RNLS: variants seen among roughly 807,000 people sequenced by gnomAD.
The protein encoded by RNLS is renalase.
A neutral mutation model predicts 39.8 loss-of-function variants in RNLS; 39 were observed. The observed-to-expected ratio is 0.98, with a 90% CI of 0.76 to 1.28. RNLS has a LOEUF of 1.28. RNLS is among the 50% of genes most tolerant of loss of function. RNLS has a pLI of 0.00. For missense variants in RNLS, 410 were observed against 413.3 expected (o/e 0.99, Z 0.07); for synonymous variants, 147 against 150.7 (o/e 0.98, Z 0.18).
chr10:88,404,094 A>G (rs1853118805), intron 4 of RNLS, among the ~76,000 whole-genome samples: 1 of 152,074 alleles, frequency 6.6e-6, no homozygotes, highest in Admixed American at 6.6e-5. Flanking sequence ...TATAATCCAT[A>G]CTATTTACTG....
intron 6 of RNLS, among the ~76,000 whole-genome samples, chr10:88,299,396 GC>G (rs1411637342): frequency 6.6e-6 from 1 of 152,172 alleles, no homozygotes; most frequent in Non-Finnish European, 1.5e-5. Context: ...GCTGAGACAG[GC>G]GGATCACTTG....
At chr10:88,308,449 A>C (rs77943038) in intron 6 of RNLS, among the ~76,000 whole-genome samples, 1 of 151,894 alleles carries the variant, frequency 6.6e-6, no homozygotes. Context: ...AATAAAAAAA[A>C]AACCCCATTA....
intron 6 of RNLS, among the ~76,000 whole-genome samples, chr10:88,291,599 C>G (rs74146697): frequency 0.054 from 8,185 of 152,224 alleles, 287 homozygotes; most frequent in African/African-American, 0.093. Flanking sequence ...CACCACCAGT[C>G]AATTGGAGTT....
chr10:88,230,996 C>A, the RNLS span, among the ~76,000 whole-genome samples: 1 of 152,186 alleles, frequency 6.6e-6, no homozygotes, highest in African/African-American at 2.4e-5. Context: ...TTCCTGAATC[C>A]TTTCCTGATT....
At chr10:88,305,806 A>G (rs1018728922) in intron 6 of RNLS, among the ~76,000 whole-genome samples, 1 of 152,226 alleles carries the variant, frequency 6.6e-6, no homozygotes, top group Non-Finnish European at 1.5e-5. Flanking sequence ...CAGAACTTAA[A>G]CTCAGCACTG....
chr10:88,208,764 A>G, the RNLS span, among the ~76,000 whole-genome samples: 2,216 of 152,236 alleles, frequency 0.015, 50 homozygotes, highest in Middle Eastern at 0.051. Flanking sequence ...CAAATCTTGG[A>G]GAGTGAAAGT....
the RNLS span, among the ~76,000 whole-genome samples, chr10:88,210,899 A>C: frequency 6.6e-6 from 1 of 152,140 alleles, no homozygotes; most frequent in Non-Finnish European, 1.5e-5. Context: ...CCCAGTGTAC[A>C]TTCCATGGCA....
intron 4 of RNLS, among the ~76,000 whole-genome samples, chr10:88,474,853 G>A (rs1042493829): frequency 1.4e-4 from 21 of 152,166 alleles, no homozygotes; most frequent in Non-Finnish European, 5.9e-5. Context: ...GTTGGCTATA[G>A]TTGCTGCCTC....
chr10:88,348,724 A>T (rs1848480306), intron 5 of RNLS, among the ~76,000 whole-genome samples: 1 of 152,188 alleles, frequency 6.6e-6, no homozygotes, highest in African/African-American at 2.4e-5. Context: ...TTTCTGATTT[A>T]TTCATGGATT....
At chr10:88,509,393 A>G (rs1280112500) in intron 4 of RNLS, among the ~76,000 whole-genome samples, 2 of 151,448 alleles carry the variant, frequency 1.3e-5, no homozygotes, top group East Asian at 3.9e-4. Context: ...GGGTAGGTTT[A>G]GAAAAAGTAT....
At chr10:88,505,416 A>G (rs949346041) in intron 4 of RNLS, among the ~76,000 whole-genome samples, 1 of 151,856 alleles carries the variant, frequency 6.6e-6, no homozygotes, top group Non-Finnish European at 1.5e-5. Flanking sequence ...AGTGTGAGTG[A>G]GACAGAGAAA....
chr10:88,411,398 A>G (rs1176803462), intron 4 of RNLS, among the ~76,000 whole-genome samples: 1 of 152,068 alleles, frequency 6.6e-6, no homozygotes, highest in African/African-American at 2.4e-5. Context: ...TGTTGTACAC[A>G]TGTTTGTTAT....
intron 4 of RNLS, among the ~76,000 whole-genome samples, chr10:88,546,040 A>G (rs1363661987): frequency 6.6e-6 from 1 of 152,024 alleles, no homozygotes; most frequent in Non-Finnish European, 1.5e-5. Flanking sequence ...GGTAGGGGGG[A>G]GGGATATTGA....
At chr10:88,296,576 T>C (rs1434849590) in intron 6 of RNLS, among the ~76,000 whole-genome samples, 1 of 152,172 alleles carries the variant, frequency 6.6e-6, no homozygotes, top group South Asian at 2.1e-4. Context: ...CTACTTTTAA[T>C]AGTGTGAAAA....
At chr10:88,222,801 A>G in the RNLS span, among the ~76,000 whole-genome samples, 2 of 152,208 alleles carry the variant, frequency 1.3e-5, no homozygotes, top group South Asian at 4.1e-4. Flanking sequence ...GAGTTAGTAC[A>G]AAGGGTTTGG....
At chr10:88,497,335 C>T in intron 4 of RNLS, among the ~76,000 whole-genome samples, 1 of 151,882 alleles carries the variant, frequency 6.6e-6, no homozygotes, top group East Asian at 1.9e-4. Flanking sequence ...AAGATGGCAA[C>T]CACTAGAAAG....
intron 6 of RNLS, among the ~76,000 whole-genome samples, chr10:88,307,857 G>A (rs1388266166): frequency 1.3e-5 from 2 of 152,112 alleles, no homozygotes; most frequent in Non-Finnish European, 2.9e-5. Flanking sequence ...CCAAAAAAGA[G>A]CCTGAATAGC....
intron 4 of RNLS, among the ~76,000 whole-genome samples, chr10:88,422,424 C>T (rs988969531): frequency 1.3e-5 from 2 of 152,094 alleles, no homozygotes; most frequent in Non-Finnish European, 2.9e-5. Context: ...TTCAGTATTT[C>T]CTTGAAGGAA....
chr10:88,496,387 G>A (rs559944052), intron 4 of RNLS, among the ~76,000 whole-genome samples: 7 of 152,208 alleles, frequency 4.6e-5, no homozygotes, highest in South Asian at 2.1e-4. Flanking sequence ...CCCAGTGCAC[G>A]CTTCAGGAAT....
Sources: gnomAD v4.1 joint callset for allele counts (sites outside exome capture counted in the v4.1 genomes callset) on GRCh38, gnomAD v4.1.1 for gene constraint, MANE v1.5 for transcripts, NCBI Gene and HGNC (gene_info 2026-07-23, HGNC 2026-07-21) for gene names.